The following KMT5B variants were observed in gnomAD, a reference collection of about 807,000 sequenced individuals.
The protein encoded by KMT5B is histone-lysine N-methyltransferase KMT5B.
Under a neutral mutation model 83.2 loss-of-function variants are expected in KMT5B, and 10 were observed. That is an observed-to-expected ratio of 0.12 (90% CI 0.07 to 0.20). The LOEUF (loss-of-function observed/expected upper bound fraction) is 0.20. Ranked by LOEUF, KMT5B falls within the 10% of genes least tolerant of loss-of-function variation. KMT5B has a pLI of 1.00. For missense variants in KMT5B, 753 were observed against 1,067.2 expected, an observed-to-expected ratio of 0.71 and a Z score of 4.10; for synonymous variants, 349 against 388.8, an observed-to-expected ratio of 0.90 and a Z score of 1.20.
At chr11:68,165,608 G>T in intron 10 of KMT5B, 1 of 588,594 alleles carries the variant, frequency 1.7e-6, no homozygotes, top group Non-Finnish European at 2.4e-6. Flanking sequence ...TGTAGCTGGG[G>T]CTACAGGTGT....
chr11:68,161,803 GC>G (rs1854894458), intron 10 of KMT5B, among the ~76,000 whole-genome samples: 1 of 152,006 alleles, frequency 6.6e-6, no homozygotes, highest in African/African-American at 2.4e-5. Flanking sequence ...GTAGTCCTAG[GC>G]CCCAGGTGAC....
chr11:68,165,374 C>T (rs1177855677), intron 10 of KMT5B, among the ~76,000 whole-genome samples: 2 of 152,122 alleles, frequency 1.3e-5, no homozygotes, highest in Admixed American at 6.5e-5. Context: ...TGCGGTGGCA[C>T]GTGCCTGTAA....
intron 9 of KMT5B, among the ~76,000 whole-genome samples, chr11:68,168,000 T>C (rs193012752): frequency 3.2e-4 from 48 of 152,120 alleles, no homozygotes; most frequent in Admixed American, 3.1e-3. Context: ...GGTGAAACCC[T>C]GTCTCTACTA....
At chr11:68,210,791 C>T (rs1004751829) in intron 1 of KMT5B, among the ~76,000 whole-genome samples, 1 of 152,144 alleles carries the variant, frequency 6.6e-6, no homozygotes, top group African/African-American at 2.4e-5. Flanking sequence ...TGGTCCCTAT[C>T]GTCAAAAGTG....
intron 1 of KMT5B, among the ~76,000 whole-genome samples, chr11:68,210,145 G>A (rs930906567): frequency 1.3e-5 from 2 of 152,038 alleles, no homozygotes; most frequent in Non-Finnish European, 2.9e-5. Context: ...GTACCCGGCC[G>A]GTACTGTTTT....
chr11:68,160,145 C>A (rs1018313073), intron 10 of KMT5B, among the ~76,000 whole-genome samples: 4 of 152,184 alleles, frequency 2.6e-5, no homozygotes, highest in African/African-American at 9.7e-5. Context: ...TACAGAATTT[C>A]TTTATGCTTA....
At position 68,204,642 on chromosome 11, in the gene KMT5B, G is replaced by C. The variant is rs533058940; in HGVS notation, c.-77+8496C>G. ...TTTTTTTTTTTTTTTTTTTGACACA[G>C]AGTCTCACATGTTGCCTAGGCTGGA... On this transcript the variant is annotated intron_variant, in intron 1 of 10. Coordinates refer to ENST00000304363, the MANE Select transcript of KMT5B (RefSeq NM_017635.5). Among the ~76,000 whole-genome samples, 34 of 109,238 alleles carry C rather than the reference G, an allele frequency of 3.1e-4. No homozygotes were observed. In the South Asian group the frequency reaches 0.011, roughly 34 times the overall value. The allele number at this position is 109,238 out of a possible 152,430, so 71.7% of individuals were successfully genotyped here.
upstream of KMT5B, chr11:68,213,300 G>A (rs890680121): frequency 1.3e-4 from 19 of 147,506 alleles, no homozygotes; most frequent in Admixed American, 6.8e-4. Context: ...CCAAGATGGC[G>A]GCGCGGGCCG....
intron 10 of KMT5B, chr11:68,165,798 T>G: frequency 6.4e-7 from 1 of 1,574,260 alleles, no homozygotes; most frequent in Non-Finnish European, 8.6e-7. Context: ...CTCTGGACAT[T>G]AACGAAAAAG....
intron 4 of KMT5B, among the ~76,000 whole-genome samples, chr11:68,175,946 ACT>A (rs1281713533): frequency 6.3e-4 from 87 of 137,440 alleles, no homozygotes; most frequent in Non-Finnish European, 3.1e-5. Context: ...ATGGAGTCTC[ACT>A]CTGTGGCCCA....
rs115317747 is a variant in KMT5B at position 68,202,913 on chromosome 11, C to T, written c.-77+10225G>A. Among the ~76,000 whole-genome samples the T allele has an allele frequency of 7.9e-3, 1,206 of 152,194 alleles. 17 individuals are homozygous for T. Among genetic ancestry groups the T allele is most frequent in the African/African-American group, 0.028 (1,152 of 41,502 alleles). On this transcript the variant is annotated intron_variant, in intron 1 of 10. Coordinates refer to ENST00000304363, the MANE Select transcript of KMT5B (RefSeq NM_017635.5). ...GGTGTACAAAATACCTGTTTGAGTACCCGCTTTAATTCTTTTGACGATATA... is the reference window on the plus strand; with the variant it reads ...GGTGTACAAAATACCTGTTTGAGTATCCGCTTTAATTCTTTTGACGATATA...
chr11:68,212,859 C>G (rs1448665116), intron 1 of KMT5B: 2 of 150,964 alleles, frequency 1.3e-5, no homozygotes, highest in Admixed American at 6.6e-5. Context: ...GGCTGCTCCC[C>G]TCGTGCGGCC....
At position 68,171,160 on chromosome 11, in the gene KMT5B, A is replaced by G; in HGVS notation, c.841-9T>C. 1.2e-6 allele frequency: 2 copies of G among 1,608,924 alleles called. No homozygotes were observed. The highest frequency in any genetic ancestry group is 1.7e-6 in the Non-Finnish European group (2 of 1,178,982). ...CGACCAGTTGACACAAACTAAAATA[A>G]AAGTAACTCAGTAAGAAACTCACAC... On this transcript the variant is annotated splice_polypyrimidine_tract_variant and intron_variant, in intron 8 of 10. Coordinates refer to ENST00000304363, the MANE Select transcript of KMT5B (RefSeq NM_017635.5). The surrounding 1 kb of genome is among the most constrained non-coding windows in gnomAD (Gnocchi z 5.1).
At chr11:68,168,299 T>C (rs1324953219) in intron 9 of KMT5B, among the ~76,000 whole-genome samples, 2 of 152,152 alleles carry the variant, frequency 1.3e-5, no homozygotes, top group Non-Finnish European at 2.9e-5. Flanking sequence ...TGACTATGTC[T>C]TTTCCCTATA....
chr11:68,197,691 A>G (rs1858889393), intron 1 of KMT5B, among the ~76,000 whole-genome samples: 1 of 152,278 alleles, frequency 6.6e-6, no homozygotes, highest in Middle Eastern at 3.4e-3. Context: ...TGATCAACTG[A>G]TATTATTTGA....
chr11:68,173,957 C>T, intron 5 of KMT5B, 44 bp from the exon 6 acceptor site: 35 of 1,277,946 alleles, frequency 2.7e-5, no homozygotes, highest in Non-Finnish European at 3.9e-5. Context: ...AAATGGTATA[C>T]CCTGCTAGAC....
intron 4 of KMT5B, 43 bp downstream of exon 4, chr11:68,180,089 T>C (rs1856766714): frequency 6.5e-7 from 1 of 1,541,096 alleles, no homozygotes; most frequent in African/African-American, 1.4e-5. Context: ...AAGGCTAGAA[T>C]GGGTTAGTCA....
rs772004432 is a variant in KMT5B at position 68,158,146 on chromosome 11, C to G, written c.2200G>C (p.Glu734Gln). 1.2e-6 allele frequency: 2 copies of G among 1,614,176 alleles called. No homozygotes were observed. Among genetic ancestry groups the G allele is most frequent in the South Asian group, 2.2e-5 (2 of 91,086 alleles). The change falls in exon 11 of 11, where the codon GAG becomes CAG. Residue 734 changes from glutamate to glutamine, a missense_variant. Physicochemically the swap from Glu to Gln is conservative, Grantham distance 29. This residue lies in a region of KMT5B where 161 missense variants were observed against 195.1 expected (regional missense o/e 0.83). Coordinates refer to ENST00000304363, the MANE Select transcript of KMT5B (RefSeq NM_017635.5). Reference sequence around the variant, plus strand: ...TTGGAAGAGTTCATTCCATCATTCTCTTGGTCATTTGTTTTGCTGCTGCTA... The same window carrying G: ...TTGGAAGAGTTCATTCCATCATTCTGTTGGTCATTTGTTTTGCTGCTGCTA... ...HDSSSKTNDQ[E>Q]NDGMNSSKIS...
chr11:68,205,276 C>T (rs997908428), intron 1 of KMT5B, among the ~76,000 whole-genome samples: 1 of 151,962 alleles, frequency 6.6e-6, no homozygotes, highest in Non-Finnish European at 1.5e-5. Context: ...TATGATCATG[C>T]CACTGCACTC....
Sources: gnomAD v4.1 joint callset for allele counts (sites outside exome capture counted in the v4.1 genomes callset) on GRCh38, gnomAD v4.1.1 for gene constraint, gnomAD v4.1.1 regional missense constraint, Gnocchi (gnomAD v3.1) non-coding constraint, MANE v1.5 for transcripts, NCBI Gene and HGNC (gene_info 2026-07-23, HGNC 2026-07-21) for gene names.